Variants in SEC22A observed in about 807,000 individuals in gnomAD.
The protein encoded by SEC22A is vesicle-trafficking protein SEC22a.
SEC22A carries 22 observed loss-of-function variants against 35.3 expected under a neutral mutation model. That is an observed-to-expected ratio of 0.62 (90% CI 0.45 to 0.89). The LOEUF (loss-of-function observed/expected upper bound fraction) is 0.89, where lower values mean the gene tolerates loss of function less well. Ranked by LOEUF, SEC22A falls within the 40% of genes least tolerant of loss-of-function variation. The probability of loss-of-function intolerance (pLI) is 0.00; values close to 1 mark genes in which losing one functional copy is unlikely to be tolerated. For synonymous variants in SEC22A, 119 were observed against 129.5 expected (o/e 0.92, Z 0.55); for missense variants, 354 against 362.5 (o/e 0.98, Z 0.19).
chr3:123,227,948 A>G (rs1433230656), intron 4 of SEC22A, among the ~76,000 whole-genome samples: 1 of 129,750 alleles, frequency 7.7e-6, no homozygotes, highest in East Asian at 2.0e-4. Flanking sequence ...GCTCCATCAG[A>G]AAAAAAAAAA....
At chr3:123,259,379 A>G (rs1937823207) in intron 5 of SEC22A, 145 bp from the exon 6 acceptor site, 1 of 619,208 alleles carries the variant, frequency 1.6e-6, no homozygotes, top group African/African-American at 1.8e-5. Flanking sequence ...TTATGTTTTC[A>G]TTTTAGGACT....
At position 123,245,935 on chromosome 3, in the gene SEC22A, T is replaced by C. The variant is rs112812900; in HGVS notation, c.578T>C (p.Ile193Thr). The C allele has an allele frequency of 6.2e-7, 1 of 1,612,510 alleles. No individual in the cohort carries two copies. Among genetic ancestry groups the C allele is most frequent in the Non-Finnish European group, 8.5e-7 (1 of 1,178,736 alleles). Residue 193 changes from isoleucine (I) to threonine (T), a missense_variant, in exon 5 of 7, where the codon ATT becomes ACT. By Grantham distance (89) the Ile-to-Thr change is moderately conservative (BLOSUM62 -1). Coordinates refer to ENST00000492595, the MANE Select transcript of SEC22A (RefSeq NM_012430.5). ...CTGGAACCAGCAACTCTGTCAGGGA[T>C]TGTAGGATTTATCCTTAGTCTTTTA... is the stretch of plus-strand genomic sequence containing the variant. Reference protein sequence around the residue: ...QRLEPATLSGIVGFILSLLCG... With the variant: ...QRLEPATLSGTVGFILSLLCG...
intron 4 of SEC22A, among the ~76,000 whole-genome samples, chr3:123,241,363 A>G (rs1264540002): frequency 1.3e-5 from 2 of 152,154 alleles, no homozygotes; most frequent in African/African-American, 2.4e-5. Flanking sequence ...ACACTTCAGT[A>G]ATAAATTAGG....
intron 4 of SEC22A, among the ~76,000 whole-genome samples, chr3:123,236,262 C>G (rs952831707): frequency 2.0e-5 from 3 of 152,066 alleles, no homozygotes; most frequent in Non-Finnish European, 2.9e-5. Flanking sequence ...ACTTCCAGCT[C>G]TAGTAGTGAT....
chr3:123,226,538 G>A (rs73197539), intron 4 of SEC22A, among the ~76,000 whole-genome samples: 23,418 of 151,992 alleles, frequency 0.15, 2,345 homozygotes, highest in Admixed American at 0.25. Flanking sequence ...TTTTTAATTG[G>A]CTTGTTAGAT....
chr3:123,238,678 T>G (rs942059924), intron 4 of SEC22A, among the ~76,000 whole-genome samples: 2 of 152,244 alleles, frequency 1.3e-5, no homozygotes, highest in African/African-American at 4.8e-5. Flanking sequence ...AGGGTTTTCC[T>G]CCCTCTGTTA....
intron 2 of SEC22A, among the ~76,000 whole-genome samples, chr3:123,216,349 G>A (rs1000405058): frequency 2.6e-5 from 4 of 152,170 alleles, no homozygotes; most frequent in African/African-American, 9.6e-5. Flanking sequence ...TGAAGAAAAG[G>A]AAATAAAGAT....
chr3:123,213,908 G>A (rs1207432697), intron 2 of SEC22A, among the ~76,000 whole-genome samples: 1 of 152,194 alleles, frequency 6.6e-6, no homozygotes, highest in Admixed American at 6.5e-5. Flanking sequence ...ATTAGGCTGG[G>A]TCTGGTGGCT....
intron 5 of SEC22A, among the ~76,000 whole-genome samples, chr3:123,248,008 C>G (rs1937579978): frequency 6.6e-6 from 1 of 152,038 alleles, no homozygotes; most frequent in Non-Finnish European, 1.5e-5. Context: ...AAATCCAAAC[C>G]CCATCCATCA....
At chr3:123,231,017 T>C (rs1937317025) in intron 4 of SEC22A, among the ~76,000 whole-genome samples, 2 of 152,166 alleles carry the variant, frequency 1.3e-5, no homozygotes, top group African/African-American at 4.8e-5. Flanking sequence ...GGAGTACCAA[T>C]ACTAATATCA....
At chr3:123,246,724 C>T (rs1052497008) in intron 5 of SEC22A, among the ~76,000 whole-genome samples, 1 of 151,940 alleles carries the variant, frequency 6.6e-6, no homozygotes, top group Non-Finnish European at 1.5e-5. Context: ...CTTTCCTTTC[C>T]CTTATTTCTA....
At chr3:123,253,372 A>G (rs1443030398) in intron 5 of SEC22A, among the ~76,000 whole-genome samples, 1 of 152,144 alleles carries the variant, frequency 6.6e-6, no homozygotes, top group Admixed American at 6.5e-5. Flanking sequence ...ACTTGCTTTT[A>G]TTTCTTATCT....
chr3:123,254,892 C>A (rs1428890993), intron 5 of SEC22A, among the ~76,000 whole-genome samples: 1 of 150,916 alleles, frequency 6.6e-6, no homozygotes, highest in Non-Finnish European at 1.5e-5. Context: ...CCTCACCCCA[C>A]CCCACAACAG....
chr3:123,268,767 C>A (rs1328894640), intron 6 of SEC22A, among the ~76,000 whole-genome samples: 1 of 152,088 alleles, frequency 6.6e-6, no homozygotes, highest in Non-Finnish European at 1.5e-5. Flanking sequence ...AAAATGTTTT[C>A]TGTGGCTATA....
intron 5 of SEC22A, among the ~76,000 whole-genome samples, chr3:123,255,460 C>G (rs1401976373): frequency 6.6e-6 from 1 of 151,964 alleles, no homozygotes; most frequent in East Asian, 1.9e-4. Context: ...AATACACATA[C>G]ATTTATACAT....
At chr3:123,219,391 A>G (rs909764618) in intron 2 of SEC22A, among the ~76,000 whole-genome samples, 1 of 152,212 alleles carries the variant, frequency 6.6e-6, no homozygotes, top group African/African-American at 2.4e-5. Context: ...GTGAAAAAAC[A>G]TTGGTGAATT....
At chr3:123,211,612 C>T (rs754772688) in intron 2 of SEC22A, among the ~76,000 whole-genome samples, 3 of 152,078 alleles carry the variant, frequency 2.0e-5, no homozygotes, top group Non-Finnish European at 4.4e-5. Flanking sequence ...GTGCACACCA[C>T]CACACCCAGC....
intron 1 of SEC22A, among the ~76,000 whole-genome samples, chr3:123,207,456 A>G (rs772374505): frequency 3.9e-5 from 6 of 152,144 alleles, no homozygotes; most frequent in Non-Finnish European, 7.3e-5. Context: ...TGAGATTTTT[A>G]TCAGATTTTT....
intron 4 of SEC22A, among the ~76,000 whole-genome samples, chr3:123,245,127 A>C (rs1937555981): frequency 6.6e-6 from 1 of 152,186 alleles, no homozygotes; most frequent in Non-Finnish European, 1.5e-5. Context: ...TTTCACATGT[A>C]TCCAGTGATA....
Sources: allele counts gnomAD v4.1 joint callset (sites outside exome capture counted in the v4.1 genomes callset), GRCh38; gene constraint gnomAD v4.1.1; transcripts MANE v1.5; gene names NCBI Gene and HGNC (gene_info 2026-07-23, HGNC 2026-07-21).